UBAC2: variants seen among roughly 807,000 people sequenced by gnomAD.
The protein encoded by UBAC2 is UBA domain containing 2.
In UBAC2, 26 loss-of-function variants were observed where a neutral mutation model predicts 44.0. The ratio of observed to expected loss-of-function variants is 0.59; its 90% CI spans 0.43 to 0.82. UBAC2 has a LOEUF of 0.82. Among genes scored for constraint, UBAC2 ranks in the 40% least tolerant of loss-of-function variants. The pLI is 0.00. For synonymous variants in UBAC2, 155 were observed against 154.3 expected (o/e 1.00, Z -0.04); for missense variants, 329 against 419.4 (o/e 0.78, Z 1.88).
At chr13:99,239,121 A>T (rs371176615) in intron 2 of UBAC2, among the ~76,000 whole-genome samples, 2 of 152,330 alleles carry the variant, frequency 1.3e-5, no homozygotes, top group African/African-American at 4.8e-5. Context: ...CTGGTATATG[A>T]CTGCTACCCT....
chr13:99,281,363 A>T (rs1490886081), intron 4 of UBAC2, among the ~76,000 whole-genome samples: 1 of 152,126 alleles, frequency 6.6e-6, no homozygotes, highest in African/African-American at 2.4e-5. Context: ...ATTCATTCTT[A>T]TATTCACAAG....
intron 1 of UBAC2, among the ~76,000 whole-genome samples, chr13:99,218,571 C>T (rs995415741): frequency 7.3e-5 from 11 of 151,218 alleles, no homozygotes; most frequent in Non-Finnish European, 1.5e-4. Context: ...ACTCTTGCTT[C>T]GATAACAAGT....
At chr13:99,347,648 G>T (rs1424009915) in intron 7 of UBAC2, among the ~76,000 whole-genome samples, 1 of 151,824 alleles carries the variant, frequency 6.6e-6, no homozygotes, top group Non-Finnish European at 1.5e-5. Context: ...AGTGACCAGG[G>T]TGATGGCTCT....
At chr13:99,229,988 T>C (rs2043154760) in intron 1 of UBAC2, among the ~76,000 whole-genome samples, 1 of 152,220 alleles carries the variant, frequency 6.6e-6, no homozygotes, top group Non-Finnish European at 1.5e-5. Context: ...GTCATACACC[T>C]TTCTGAGTTT....
chr13:99,347,319 G>GCCGCCCCCCCCCCCC (rs1555331218), intron 7 of UBAC2, among the ~76,000 whole-genome samples: 2 of 20,554 alleles, frequency 9.7e-5, no homozygotes, highest in Admixed American at 7.2e-4. Context: ...ATCCCCGGGC[G>GCCGCCCCCCCCCCCC]CCCCCCCCCC....
chr13:99,383,734 A>G (rs949254387), intron 8 of UBAC2, among the ~76,000 whole-genome samples: 1 of 144,190 alleles, frequency 6.9e-6, no homozygotes, highest in African/African-American at 2.4e-5. Context: ...GTCCCATGAC[A>G]TGGGCGGCAC....
At chr13:99,214,700 A>AC (rs1352534416) in intron 1 of UBAC2, among the ~76,000 whole-genome samples, 1 of 151,684 alleles carries the variant, frequency 6.6e-6, no homozygotes, top group African/African-American at 2.4e-5. Context: ...CAGACCTCCA[A>AC]CCCCCTCATT....
chr13:99,335,108 A>G (rs2044768090), intron 6 of UBAC2, among the ~76,000 whole-genome samples: 1 of 152,238 alleles, frequency 6.6e-6, no homozygotes, highest in Non-Finnish European at 1.5e-5. Flanking sequence ...CAGCTTCTAG[A>G]TATATGAAGT....
intron 4 of UBAC2, among the ~76,000 whole-genome samples, chr13:99,270,129 T>G (rs2043797448): frequency 6.6e-6 from 1 of 152,232 alleles, no homozygotes; most frequent in Non-Finnish European, 1.5e-5. Flanking sequence ...TTTTTAGTTC[T>G]GATTATTCAT....
rs190720136 is a variant in UBAC2 at position 99,343,301 on chromosome 13, C to G, written c.807+2736C>G. 3.5e-3 allele frequency among the ~76,000 whole-genome samples: 533 copies of G among 152,338 alleles called. 4 individuals carry two copies. Among genetic ancestry groups the G allele is most frequent in the African/African-American group, 0.012 (504 of 41,568 alleles). On this transcript the variant is annotated intron_variant, in intron 7 of 8. Coordinates refer to ENST00000403766, the MANE Select transcript of UBAC2 (RefSeq NM_001144072.2). The stretch of plus-strand genomic sequence containing the variant: ...GGATTCTTGGCTGTTTGCGCACGCC[C>G]TCGCTCCAGGATTCTACGGACCCCC...
At chr13:99,337,681 T>C (rs1259607520) in intron 6 of UBAC2, among the ~76,000 whole-genome samples, 1 of 152,208 alleles carries the variant, frequency 6.6e-6, no homozygotes, top group Non-Finnish European at 1.5e-5. Flanking sequence ...ACCCCTATGC[T>C]GACAGCCGCA....
At chr13:99,303,982 G>C (rs776732528) in intron 4 of UBAC2, among the ~76,000 whole-genome samples, 2 of 152,074 alleles carry the variant, frequency 1.3e-5, no homozygotes, top group Non-Finnish European at 2.9e-5. Context: ...GTGTCTGTCT[G>C]TCTGCCTGTT....
At chr13:99,265,582 C>T (rs2043732026) in intron 4 of UBAC2, among the ~76,000 whole-genome samples, 1 of 152,160 alleles carries the variant, frequency 6.6e-6, no homozygotes, top group Admixed American at 6.6e-5. Flanking sequence ...GCACTTTCAC[C>T]CCTTTTCTTC....
At chr13:99,318,746 C>T (rs890469134) in intron 6 of UBAC2, among the ~76,000 whole-genome samples, 5 of 148,022 alleles carry the variant, frequency 3.4e-5, no homozygotes, top group Non-Finnish European at 7.4e-5. Flanking sequence ...GCGTGGAACC[C>T]GAGAGGTGGA....
intron 4 of UBAC2, among the ~76,000 whole-genome samples, chr13:99,290,258 A>G (rs2044071693): frequency 6.6e-6 from 1 of 152,226 alleles, no homozygotes; most frequent in South Asian, 2.1e-4. Context: ...TGCTTAAAGC[A>G]CTATGCTATA....
At chr13:99,376,945 G>A (rs1033477786) in intron 8 of UBAC2, 2 of 152,238 alleles carry the variant, frequency 1.3e-5, no homozygotes, top group Non-Finnish European at 2.9e-5. Context: ...AGCCCATGAA[G>A]CCAACACTGA....
chr13:99,262,187 C>T (rs2043672605), intron 4 of UBAC2, among the ~76,000 whole-genome samples: 1 of 152,130 alleles, frequency 6.6e-6, no homozygotes, highest in African/African-American at 2.4e-5. Context: ...TCCAGTAACC[C>T]TTATTTAATT....
chr13:99,316,378 C>T (rs1052129677), intron 5 of UBAC2, among the ~76,000 whole-genome samples: 1 of 152,094 alleles, frequency 6.6e-6, no homozygotes, highest in Non-Finnish European at 1.5e-5. Context: ...TTGTCTCTCC[C>T]CACTACAACC....
At chr13:99,246,419 C>T (rs1371301523) in intron 4 of UBAC2, among the ~76,000 whole-genome samples, 3 of 152,194 alleles carry the variant, frequency 2.0e-5, no homozygotes, top group Admixed American at 2.0e-4. Context: ...AAAGCAGCAG[C>T]ATTGCCAAAT....
Sources: allele counts gnomAD v4.1 joint callset (sites outside exome capture counted in the v4.1 genomes callset), GRCh38; gene constraint gnomAD v4.1.1; transcripts MANE v1.5; gene names NCBI Gene and HGNC (gene_info 2026-07-23, HGNC 2026-07-21).